Variants in CNTNAP4 observed in about 807,000 individuals in gnomAD.
The protein encoded by CNTNAP4 is contactin-associated protein-like 4.
A neutral mutation model predicts 148.4 loss-of-function variants in CNTNAP4; 98 were observed. The ratio of observed to expected loss-of-function variants is 0.66; its 90% confidence interval spans 0.56 to 0.78. CNTNAP4 has a LOEUF of 0.78. Ranked by LOEUF, CNTNAP4 falls within the 30% of genes least tolerant of loss-of-function variation. CNTNAP4 has a pLI of 0.00. For synonymous variants in CNTNAP4, 730 were observed against 565.1 expected (o/e 1.29, Z -4.14); for missense variants, 1,935 against 1,565.6 (o/e 1.24, Z -3.98).
Position 76,391,026 on chromosome 16 carries a change from C to G in CNTNAP4, c.390+35515C>G, listed in dbSNP as rs548266942. Among the ~76,000 whole-genome samples the G allele has an allele frequency of 2.0e-5, 3 of 152,234 alleles. No homozygotes were observed. The East Asian group carries it at 5.8e-4, about 29-fold the overall frequency. ...GAGTCACAGACCAGCCAATTACAATCTTTAAGTTACTTTAATATATACAGT... is the reference window on the plus strand; with the variant it reads ...GAGTCACAGACCAGCCAATTACAATGTTTAAGTTACTTTAATATATACAGT... On this transcript the variant is annotated intron_variant, in intron 3 of 23. Coordinates refer to ENST00000611870, the MANE Select transcript of CNTNAP4 (RefSeq NM_033401.5).
chr16:76,322,885 A>G (rs2144158372), intron 2 of CNTNAP4, among the ~76,000 whole-genome samples: 1 of 151,532 alleles, frequency 6.6e-6, no homozygotes, highest in African/African-American at 2.4e-5. Context: ...CCTACGCTAC[A>G]GTGCAGTGGC....
rs76880636 is a variant in CNTNAP4, at chr16:76,277,539, G to A, written c.-124G>A. The A allele has an allele frequency of 1.1e-4, 69 of 630,466 alleles. No homozygotes were observed. The highest frequency in any genetic ancestry group is 1.1e-3 in the Admixed American group (40 of 37,474). 39.1% of individuals were successfully genotyped at this position (630,466 alleles called of 1,614,324 possible). On this transcript the variant is annotated 5_prime_UTR_variant, in exon 1 of 24. Transcript: ENST00000611870. ...ACGGAGGGAGGTGAGGAGGAAGGGA[G>A]GGGGAGAGACAGAGACCTAGAGGGG...
At chr16:76,536,764 A>C (rs1010575753) in intron 18 of CNTNAP4, among the ~76,000 whole-genome samples, 1 of 152,218 alleles carries the variant, frequency 6.6e-6, no homozygotes, top group Non-Finnish European at 1.5e-5. Flanking sequence ...AGAAAAGAAC[A>C]GTTGTAGGAT....
At position 76,491,827 on chromosome 16, in the gene CNTNAP4, T is replaced by C. The variant is rs151156813; in HGVS notation, c.2080+1944T>C. ...TGTTGTCACAAATGGCAGGACTTCCTTCTATTTAAGGCTGAATGATATCCC... is the reference window on the plus strand; with the variant it reads ...TGTTGTCACAAATGGCAGGACTTCCCTCTATTTAAGGCTGAATGATATCCC... On this transcript the variant is annotated intron_variant, in intron 13 of 23. Coordinates refer to ENST00000611870, the MANE Select transcript of CNTNAP4 (RefSeq NM_033401.5). Among the ~76,000 whole-genome samples the C allele has an allele frequency of 2.7e-3, 407 of 149,468 alleles. 1 individual carries two copies. The highest frequency in any genetic ancestry group is 6.8e-3 in the Middle Eastern group (2 of 292).
At chr16:76,415,217 A>G (rs2078933163) in intron 3 of CNTNAP4, among the ~76,000 whole-genome samples, 1 of 151,242 alleles carries the variant, frequency 6.6e-6, no homozygotes, top group Non-Finnish European at 1.5e-5. Flanking sequence ...TATTTGATAC[A>G]TATGACCACT....
chr16:76,330,203 T>C (rs1464853697), intron 2 of CNTNAP4, among the ~76,000 whole-genome samples: 1 of 152,210 alleles, frequency 6.6e-6, no homozygotes, highest in Non-Finnish European at 1.5e-5. Flanking sequence ...TAAATCACCA[T>C]AGTTTCAAAT....
intron 2 of CNTNAP4, among the ~76,000 whole-genome samples, chr16:76,324,139 C>T (rs1962719109): frequency 6.6e-6 from 1 of 152,258 alleles, no homozygotes; most frequent in African/African-American, 2.4e-5. Context: ...AAGTTTTCCT[C>T]AAACAAGATG....
At position 76,448,911 on chromosome 16, in the gene CNTNAP4, A is replaced by G; in HGVS notation, c.887A>G (p.His296Arg). ...GTGGACGAACACAGGCATCATTTCC[A>G]TGCACGGGGAGAATTCAATCTCATG... Reference protein sequence around the residue: ...FTVDEHRHHFHARGEFNLMNL... With the variant: ...FTVDEHRHHFRARGEFNLMNL... The change falls in exon 6 of 24, where the codon CAT (histidine) becomes CGT (arginine). Residue 296 changes from histidine (H) to arginine (R), a missense_variant. His to Arg is a conservative substitution (Grantham distance 29). Transcript: ENST00000611870. 1 of 1,613,832 alleles carries G rather than the reference A, an allele frequency of 6.2e-7. No individual in the cohort carries two copies. Among genetic ancestry groups the G allele is most frequent in the Non-Finnish European group, 8.5e-7 (1 of 1,179,836 alleles).
At chr16:76,412,958 T>A (rs923878574) in intron 3 of CNTNAP4, among the ~76,000 whole-genome samples, 3 of 151,436 alleles carry the variant, frequency 2.0e-5, no homozygotes, top group Admixed American at 6.6e-5. Context: ...GCATACGGTT[T>A]GAGGTAGTGA....
At chr16:76,308,287 G>A (rs748297640) in intron 1 of CNTNAP4, among the ~76,000 whole-genome samples, 8 of 152,170 alleles carry the variant, frequency 5.3e-5, no homozygotes, top group Non-Finnish European at 1.0e-4. Context: ...TACACTCGTG[G>A]CATTTAATCG....
At chr16:76,337,777 C>G (rs1411995115) in intron 2 of CNTNAP4, among the ~76,000 whole-genome samples, 1 of 152,112 alleles carries the variant, frequency 6.6e-6, no homozygotes, top group African/African-American at 2.4e-5. Flanking sequence ...GTCCATAGAC[C>G]TACCCCTGGG....
chr16:76,499,705 T>C (rs12924800), intron 15 of CNTNAP4, among the ~76,000 whole-genome samples: 119,006 of 143,434 alleles, frequency 0.83, 50,187 homozygotes, highest in East Asian at 0.97. Flanking sequence ...AGGGCCCTGC[T>C]GCCTTCCGCA....
At chr16:76,532,508 G>A (rs908436323) in intron 17 of CNTNAP4, among the ~76,000 whole-genome samples, 25 of 152,196 alleles carry the variant, frequency 1.6e-4, no homozygotes. Context: ...GGCAGAATGA[G>A]ATAAGCCTGT....
At chr16:76,537,432 C>T (rs1346748173) in intron 18 of CNTNAP4, among the ~76,000 whole-genome samples, 2 of 131,118 alleles carry the variant, frequency 1.5e-5, no homozygotes, top group African/African-American at 5.3e-5. Flanking sequence ...CATTTTCATA[C>T]ATATGTATTT....
chr16:76,462,863 C>G (rs887029537), intron 9 of CNTNAP4, among the ~76,000 whole-genome samples: 1 of 152,130 alleles, frequency 6.6e-6, no homozygotes, highest in African/African-American at 2.4e-5. Flanking sequence ...GTTTTGTCAT[C>G]GTTATGTTAC....
intron 2 of CNTNAP4, among the ~76,000 whole-genome samples, chr16:76,339,139 T>C (rs1367639598): frequency 6.6e-6 from 1 of 152,110 alleles, no homozygotes; most frequent in Non-Finnish European, 1.5e-5. Context: ...GGAGATACAT[T>C]CTATATGCTT....
At chr16:76,529,092 C>T (rs565149794) in intron 17 of CNTNAP4, among the ~76,000 whole-genome samples, 7 of 152,282 alleles carry the variant, frequency 4.6e-5, no homozygotes, top group Admixed American at 1.3e-4. Flanking sequence ...TGAACATCTC[C>T]TCCTCTCCTC....
In CNTNAP4 at chr16:76,496,104, T is replaced by TGTGTGTGTGTGTGC. The variant is rs770815373; in HGVS notation, c.2237+1041_2237+1042insTGTGTGTGTGCGTG. 8.6e-3 allele frequency among the ~76,000 whole-genome samples: 1,302 copies of TGTGTGTGTGTGTGC among 150,736 alleles called. 6 individuals are homozygous for TGTGTGTGTGTGTGC. Among genetic ancestry groups the TGTGTGTGTGTGTGC allele is most frequent in the Non-Finnish European group, 0.014 (969 of 67,612 alleles). Reference sequence around the variant, plus strand: ...ATTATGTTGTGTGTGTGTGTGTGTGTGTGCGTGTATTTCTTTTAGAATTGC... The same window carrying TGTGTGTGTGTGTGC: ...ATTATGTTGTGTGTGTGTGTGTGTGTGTGTGTGTGTGTGCGTGCGTGTATTTCTTTTAGAATTGC... On this transcript the variant is annotated intron_variant, in intron 14 of 23. Coordinates refer to ENST00000611870, the MANE Select transcript of CNTNAP4 (RefSeq NM_033401.5).
chr16:76,364,896 A>G (rs759571963), intron 3 of CNTNAP4, among the ~76,000 whole-genome samples: 1 of 151,984 alleles, frequency 6.6e-6, no homozygotes, highest in Non-Finnish European at 1.5e-5. Context: ...CCATTTGTCT[A>G]TTTTGGTTTT....
Sources: allele counts gnomAD v4.1 joint callset (sites outside exome capture counted in the v4.1 genomes callset), GRCh38; gene constraint gnomAD v4.1.1; transcripts MANE v1.5; gene names NCBI Gene and HGNC (gene_info 2026-07-23, HGNC 2026-07-21).